The following PRKG1 variants were observed in gnomAD, a reference collection of about 807,000 sequenced individuals.
PRKG1 encodes cGMP-dependent protein kinase 1.
A neutral mutation model predicts 88.1 loss-of-function variants in PRKG1; 35 were observed. The ratio of observed to expected loss-of-function variants is 0.40; its 90% CI spans 0.30 to 0.53. The LOEUF (loss-of-function observed/expected upper bound fraction) is 0.53. Among genes scored for constraint, PRKG1 ranks in the 20% least tolerant of loss-of-function variants. The pLI is 0.59. For missense variants in PRKG1, 540 were observed against 839.8 expected, an observed-to-expected ratio of 0.64 and a Z score of 4.41; for synonymous variants, 303 against 292.5, an observed-to-expected ratio of 1.04 and a Z score of -0.37.
intron 2 of PRKG1, among the ~76,000 whole-genome samples, chr10:51,254,083 A>T (rs1417699950): frequency 1.3e-5 from 2 of 151,980 alleles, no homozygotes; most frequent in Non-Finnish European, 2.9e-5. Context: ...CAAAGTGTTT[A>T]ATATTATACA....
chr10:52,124,899 C>A (rs1272586051), intron 7 of PRKG1, among the ~76,000 whole-genome samples: 1 of 152,100 alleles, frequency 6.6e-6, no homozygotes, highest in Admixed American at 6.6e-5. Flanking sequence ...CTGTCTTCCA[C>A]CTCTACGTCT....
At chr10:51,794,902 G>A (rs1057355768) in intron 3 of PRKG1, among the ~76,000 whole-genome samples, 2 of 151,966 alleles carry the variant, frequency 1.3e-5, no homozygotes, top group Non-Finnish European at 2.9e-5. Flanking sequence ...GCTTTTCTGA[G>A]ACTTAATTTG....
At chr10:52,133,984 T>C in intron 8 of PRKG1, 79 bp downstream of exon 8, 1 of 1,074,650 alleles carries the variant, frequency 9.3e-7, no homozygotes, top group South Asian at 1.4e-5. Flanking sequence ...GACATCATTT[T>C]ATGGAGCTAT....
intron 1 of PRKG1, among the ~76,000 whole-genome samples, chr10:51,132,006 C>T (rs1377100216): frequency 1.3e-5 from 2 of 151,882 alleles, no homozygotes; most frequent in African/African-American, 4.8e-5. Flanking sequence ...TTTTACAAAG[C>T]TTAAAAGAAT....
chr10:51,698,179 T>C (rs2132406796), intron 3 of PRKG1: 1 of 1,614,012 alleles, frequency 6.2e-7, no homozygotes, highest in Non-Finnish European at 8.5e-7. Flanking sequence ...TCATCTCCAA[T>C]CCTCTTGCAT....
intron 2 of PRKG1, among the ~76,000 whole-genome samples, chr10:51,426,391 A>T (rs1330872262): frequency 6.6e-6 from 1 of 152,178 alleles, no homozygotes; most frequent in African/African-American, 2.4e-5. Context: ...CACCAGGGAA[A>T]TGGAGATGAA....
At chr10:51,159,851 G>A (rs1461653901) in intron 2 of PRKG1, among the ~76,000 whole-genome samples, 1 of 152,172 alleles carries the variant, frequency 6.6e-6, no homozygotes, top group African/African-American at 2.4e-5. Flanking sequence ...CATAAATCTA[G>A]ATGGCCAAAG....
rs374984807 is a variant in PRKG1, at chr10:51,774,533, GT to G, written c.593-30045del. On this transcript the variant is annotated intron_variant, in intron 3 of 17. Coordinates refer to ENST00000373980, the MANE Select transcript of PRKG1 (RefSeq NM_006258.4). ...AACCAAAGTCTCAGAAGTGTAATGG[GT>G]TTTTTTAAGAGTACAGTATGCTTAC... 2.1e-4 allele frequency among the ~76,000 whole-genome samples: 32 copies of G among 151,948 alleles called. 1 individual carries two copies. The South Asian group carries it at 6.4e-3, about 31-fold the overall frequency.
chr10:51,858,912 C>T (rs929120546), intron 4 of PRKG1, among the ~76,000 whole-genome samples: 4 of 152,044 alleles, frequency 2.6e-5, no homozygotes, highest in Non-Finnish European at 4.4e-5. Context: ...TTCTCCTGGA[C>T]CCACCTCTGC....
chr10:51,615,657 G>GTTTTTTTTTTTTTTTTTTTT (rs151175931), intron 3 of PRKG1, among the ~76,000 whole-genome samples: 1 of 128,622 alleles, frequency 7.8e-6, no homozygotes, highest in Non-Finnish European at 1.7e-5. Flanking sequence ...ACTCTGCTTG[G>GTTTTTTTTTTTTTTTTTTTT]TTCTTTTTTT....
At chr10:51,306,304 C>A (rs76768607) in intron 2 of PRKG1, among the ~76,000 whole-genome samples, 1 of 151,996 alleles carries the variant, frequency 6.6e-6, no homozygotes, top group Non-Finnish European at 1.5e-5. Flanking sequence ...GTTTCACAGG[C>A]GAGAATGACA....
intron 7 of PRKG1, 68 bp downstream of exon 7, chr10:52,062,699 G>T (rs1400507419): frequency 1.7e-6 from 2 of 1,198,044 alleles, no homozygotes; most frequent in African/African-American, 1.5e-5. Context: ...GAAATTTTGA[G>T]CTCCTAGCAC....
intron 3 of PRKG1, among the ~76,000 whole-genome samples, chr10:51,469,559 T>C (rs1278097180): frequency 6.6e-6 from 1 of 151,898 alleles, no homozygotes; most frequent in African/African-American, 2.4e-5. Flanking sequence ...TATAATGATG[T>C]TCGTCTGCAC....
chr10:51,121,152 T>C (rs1426567104), intron 1 of PRKG1, among the ~76,000 whole-genome samples: 4 of 152,148 alleles, frequency 2.6e-5, no homozygotes, highest in African/African-American at 9.7e-5. Context: ...TGGTGATTAA[T>C]TGAACCCACT....
At chr10:51,850,499 A>ATATATGTATATGTATATG (rs374383814) in intron 4 of PRKG1, among the ~76,000 whole-genome samples, 39 of 151,382 alleles carry the variant, frequency 2.6e-4, no homozygotes, top group South Asian at 6.2e-4. Flanking sequence ...TTATATATAT[A>ATATATGTATATGTATATG]TATATGTATA....
At chr10:51,953,726 T>G (rs1055028941) in intron 5 of PRKG1, among the ~76,000 whole-genome samples, 1 of 152,172 alleles carries the variant, frequency 6.6e-6, no homozygotes, top group Non-Finnish European at 1.5e-5. Flanking sequence ...GTTTTGTTTT[T>G]TTTTTAACTT....
intron 3 of PRKG1, among the ~76,000 whole-genome samples, chr10:51,566,845 T>C (rs1282246394): frequency 2.6e-5 from 4 of 151,550 alleles, no homozygotes; most frequent in African/African-American, 7.3e-5. Context: ...CCCACTTCAA[T>C]ATGATAAGGA....
At chr10:52,255,407 T>A (rs1224346534) in intron 10 of PRKG1, among the ~76,000 whole-genome samples, 1 of 152,090 alleles carries the variant, frequency 6.6e-6, no homozygotes, top group African/African-American at 2.4e-5. Context: ...ATGCCAATAA[T>A]ATGTAGTCGG....
chr10:51,779,137 G>A (rs1292610553), intron 3 of PRKG1, among the ~76,000 whole-genome samples: 1 of 152,082 alleles, frequency 6.6e-6, no homozygotes, highest in African/African-American at 2.4e-5. Context: ...CCATTAAGTG[G>A]TATGTTTCTG....
Sources: gnomAD v4.1 joint callset for allele counts (sites outside exome capture counted in the v4.1 genomes callset) on GRCh38, gnomAD v4.1.1 for gene constraint, MANE v1.5 for transcripts, NCBI Gene and HGNC (gene_info 2026-07-23, HGNC 2026-07-21) for gene names.